HNRNPH1: variants seen among roughly 807,000 people sequenced by gnomAD.
The protein encoded by HNRNPH1 is heterogeneous nuclear ribonucleoprotein H1.
In HNRNPH1, 4 loss-of-function variants were observed where a neutral mutation model predicts 58.6. The ratio of observed to expected loss-of-function variants is 0.07; its 90% CI spans 0.03 to 0.16. HNRNPH1 has a LOEUF of 0.16. HNRNPH1 is among the 10% of genes least tolerant of loss of function. The pLI, the probability that HNRNPH1 is intolerant of heterozygous loss-of-function variation, is 1.00. For synonymous variants in HNRNPH1, 192 were observed against 189.2 expected (o/e 1.01, Z -0.12); for missense variants, 271 against 564.2 (o/e 0.48, Z 5.26).
chr5:179,616,061 C>G, intron 11 of HNRNPH1, 65 bp downstream of exon 12: 2 of 1,363,158 alleles, frequency 1.5e-6, no homozygotes, highest in South Asian at 1.2e-5. Flanking sequence ...ATAACTTACT[C>G]TAAGTACAGT....
intron 10 of HNRNPH1, chr5:179,616,420 G>A: frequency 1.7e-6 from 1 of 590,702 alleles, no homozygotes; most frequent in East Asian, 2.9e-5. Flanking sequence ...AAACCAAAGT[G>A]CTAACGGTAC....
At chr5:179,619,625 A>T (rs751861419) in intron 3 of HNRNPH1, 92 of 338,700 alleles carry the variant, frequency 2.7e-4, no homozygotes, top group Non-Finnish European at 3.9e-4. Context: ...AGTATATATT[A>T]AAAAAAACTT....
chr5:179,632,403 G>A (rs1774918353), intron 2 of HNRNPH1, among the ~76,000 whole-genome samples: 1 of 152,228 alleles, frequency 6.6e-6, no homozygotes, highest in South Asian at 2.1e-4. Flanking sequence ...AGCACGGTCC[G>A]CCCTTGCGGC....
At chr5:179,617,349 A>AT (rs1367236446) in intron 8 of HNRNPH1, 165 bp downstream of exon 9, 5 of 858,122 alleles carry the variant, frequency 5.8e-6, no homozygotes, top group Admixed American at 2.7e-5. Flanking sequence ...CGTTATACTA[A>AT]TTTTTAAAAC....
At chr5:179,622,280 T>G (rs1772812347) in intron 1 of HNRNPH1, among the ~76,000 whole-genome samples, 1 of 152,224 alleles carries the variant, frequency 6.6e-6, no homozygotes, top group African/African-American at 2.4e-5. Flanking sequence ...ATGCTCCTTT[T>G]TAAGAAAACA....
chr5:179,617,518 A>G (rs1317181058), exon 8 of HNRNPH1: 1 of 1,613,408 alleles, frequency 6.2e-7, no homozygotes, highest in African/African-American at 1.3e-5. Context: ...ACTTACGCAT[A>G]TTTGCTTTGT....
At chr5:179,618,463 T>G in intron 4 of HNRNPH1, 140 bp from the exon 6 acceptor site, 1 of 562,810 alleles carries the variant, frequency 1.8e-6, no homozygotes, top group East Asian at 3.0e-5. Flanking sequence ...TTTCTTATAT[T>G]TGCATAGGCA....
At chr5:179,619,219 ATTG>A (rs1562266092) in intron 4 of HNRNPH1, 47 bp downstream of exon 5, 10 of 1,473,972 alleles carry the variant, frequency 6.8e-6, no homozygotes, top group Non-Finnish European at 9.3e-6. Flanking sequence ...TATGGATTTA[ATTG>A]TTTACCATAA....
At position 179,619,335 on chromosome 5, in the gene HNRNPH1, A is replaced by ATT; in HGVS notation, c.469_470insAA (p.Val157GlufsTer9). The ATT allele has an allele frequency of 6.2e-7, 1 of 1,613,620 alleles. No individual in the cohort carries two copies. The highest frequency in any genetic ancestry group is 8.5e-7 in the Non-Finnish European group (1 of 1,179,750). On this transcript the variant is annotated frameshift_variant, in exon 4 of 13. Coordinates refer to ENST00000356731, the Ensembl canonical transcript of HNRNPH1. LOFTEE classifies it high-confidence loss of function. ...AGCTATTTCCTGTGAAGCAAACTGC[A>ATT]CGAAGGCCTCCCCCGTACTCCTCCC... is the stretch of plus-strand genomic sequence containing the variant.
At position 179,623,017 on chromosome 5, in the gene HNRNPH1, G is replaced by C. The variant is rs1311114689; in HGVS notation, c.97+20C>G. The C allele has an allele frequency of 1.3e-5, 16 of 1,223,746 alleles. No homozygotes were observed. The highest frequency in any genetic ancestry group is 1.5e-5 in the Non-Finnish European group (14 of 925,318). 75.8% of individuals were successfully genotyped at this position (1,223,746 alleles called of 1,614,324 possible). On this transcript the variant is annotated intron_variant, in intron 1 of 12. Coordinates refer to ENST00000356731, the Ensembl canonical transcript of HNRNPH1. ...GCCCCGGCCTCGAACTCGAACTCCC[G>C]CGTCCTAGTTCTAACTCACCAGAAA...
intron 3 of HNRNPH1, chr5:179,620,602 G>A (rs1249802946): frequency 1.3e-5 from 4 of 314,840 alleles, no homozygotes; most frequent in Non-Finnish European, 2.4e-5. Context: ...GAGGTACTTA[G>A]CTGGACACCA....
exon 5 of HNRNPH1, chr5:179,618,167 C>A: frequency 6.2e-7 from 1 of 1,614,022 alleles, no homozygotes; most frequent in Non-Finnish European, 8.5e-7. Context: ...CACCACGCCT[C>A]ATCCTCTCAA....
intron 2 of HNRNPH1, among the ~76,000 whole-genome samples, chr5:179,632,851 ATTTTTTTT>A (rs56128695): frequency 1.7e-5 from 1 of 57,550 alleles, no homozygotes; most frequent in East Asian, 5.8e-4. Flanking sequence ...AGCCCGGCGA[ATTTTTTTT>A]TTTTTTTTTT....
chr5:179,631,120 T>C (rs1774796011), intron 2 of HNRNPH1, among the ~76,000 whole-genome samples: 1 of 151,410 alleles, frequency 6.6e-6, no homozygotes, highest in Admixed American at 6.6e-5. Flanking sequence ...ATGGGGGTAG[T>C]GGGATGGGGA....
At chr5:179,630,365 T>TAAAAGA (rs150276856) in intron 2 of HNRNPH1, among the ~76,000 whole-genome samples, 1 of 150,460 alleles carries the variant, frequency 6.6e-6, no homozygotes, top group Non-Finnish European at 1.5e-5. Flanking sequence ...AATAAATAAA[T>TAAAAGA]AAAAGAAAAA....
At chr5:179,631,290 A>G (rs2127741336) in intron 2 of HNRNPH1, among the ~76,000 whole-genome samples, 1 of 152,258 alleles carries the variant, frequency 6.6e-6, no homozygotes, top group East Asian at 1.9e-4. Context: ...GATCTTTAAG[A>G]TGGCGATCAT....
chr5:179,625,803 C>A (rs116028267), upstream of HNRNPH1, among the ~76,000 whole-genome samples: 2 of 151,950 alleles, frequency 1.3e-5, no homozygotes, highest in South Asian at 4.2e-4. Flanking sequence ...GAGACACAGC[C>A]CGTCACCCAG....
chr5:179,621,472 T>C lies in HNRNPH1; in HGVS notation c.98-75A>G, dbSNP rs865978797. On this transcript the variant is annotated intron_variant, in intron 1 of 12. Coordinates refer to ENST00000356731, the Ensembl canonical transcript of HNRNPH1. The stretch of plus-strand genomic sequence containing the variant: ...CTGGGTGACACAGATGAAATGTCTA[T>C]TCCATGTCCCCACTACAAATTACAT... 2.3e-4 allele frequency: 292 copies of C among 1,269,590 alleles called. 2 individuals are homozygous for C. In the African/African-American group the frequency reaches 4.0e-3, roughly 17 times the overall value. 78.6% of individuals were successfully genotyped at this position (1,269,590 alleles called of 1,614,324 possible). A position where few individuals can be genotyped will look rare whatever the true frequency, so the allele number is the denominator to read the frequency against.
In HNRNPH1 at chr5:179,615,526, T is replaced by A. The variant is rs1350140457; in HGVS notation, c.*20A>T. 7.5e-7 allele frequency: 1 copy of A among 1,328,324 alleles called. No individual in the cohort carries two copies. The highest frequency in any genetic ancestry group is 1.8e-5 in the Admixed American group (1 of 55,326). The allele number at this position is 1,328,324 out of a possible 1,614,324, so 82.3% of individuals were successfully genotyped here. On this transcript the variant is annotated intron_variant, in intron 12 of 12. Coordinates refer to ENST00000356731, the Ensembl canonical transcript of HNRNPH1. Reference sequence around the variant, plus strand: ...CAGTATTTGCTATTGGGAATTTATATTTTTTGAGAAAATATTTACCTATGC... The same window carrying A: ...CAGTATTTGCTATTGGGAATTTATAATTTTTGAGAAAATATTTACCTATGC...
Sources: allele counts gnomAD v4.1 joint callset (sites outside exome capture counted in the v4.1 genomes callset), GRCh38; gene constraint gnomAD v4.1.1; transcripts MANE v1.5; gene names NCBI Gene and HGNC (gene_info 2026-07-23, HGNC 2026-07-21).